KCNIP1: variants seen among roughly 807,000 people sequenced by gnomAD.
KCNIP1 encodes A-type potassium channel modulatory protein KCNIP1.
In KCNIP1, 18 loss-of-function variants were observed where a neutral mutation model predicts 33.0. The ratio of observed to expected loss-of-function variants is 0.55; its 90% CI spans 0.38 to 0.81. The LOEUF is 0.81. KCNIP1 is among the 30% of genes least tolerant of loss of function. KCNIP1 has a pLI of 0.00. For missense variants in KCNIP1, 238 were observed against 271.6 expected (o/e 0.88, Z 0.87); for synonymous variants, 93 against 98.3 (o/e 0.95, Z 0.32).
chr5:170,419,522 C>T (rs1755423208), intron 1 of KCNIP1, among the ~76,000 whole-genome samples: 1 of 152,024 alleles, frequency 6.6e-6, no homozygotes, highest in Admixed American at 6.5e-5. Context: ...TTTTCTGCTT[C>T]AACCAGAAAT....
chr5:170,470,573 A>T (rs181866788), intron 1 of KCNIP1, among the ~76,000 whole-genome samples: 1 of 152,328 alleles, frequency 6.6e-6, no homozygotes, highest in African/African-American at 2.4e-5. Context: ...TTAAGATCAG[A>T]ACTCCCTGAT....
intron 1 of KCNIP1, among the ~76,000 whole-genome samples, chr5:170,673,092 T>G (rs1242185943): frequency 1.3e-5 from 2 of 152,270 alleles, no homozygotes; most frequent in Non-Finnish European, 2.9e-5. Context: ...TTACTAAATA[T>G]TCATGATACC....
intron 1 of KCNIP1, among the ~76,000 whole-genome samples, chr5:170,411,596 T>A (rs369010286): frequency 7.9e-5 from 12 of 151,918 alleles, no homozygotes; most frequent in African/African-American, 2.9e-4. Flanking sequence ...TTGGATTTTA[T>A]CAACATTTTT....
At chr5:170,444,171 G>T (rs2113045917) in intron 1 of KCNIP1, among the ~76,000 whole-genome samples, 1 of 152,150 alleles carries the variant, frequency 6.6e-6, no homozygotes, top group East Asian at 1.9e-4. Context: ...CATTTCTGGG[G>T]GTCAGAAATC....
At chr5:170,626,440 G>A (rs928160240) in intron 1 of KCNIP1, among the ~76,000 whole-genome samples, 6 of 152,194 alleles carry the variant, frequency 3.9e-5, no homozygotes, top group African/African-American at 7.2e-5. Context: ...CCATGGCACC[G>A]TGAGCAGGTG....
chr5:170,551,155 C>G (rs572001608), intron 1 of KCNIP1, among the ~76,000 whole-genome samples: 3 of 152,304 alleles, frequency 2.0e-5, no homozygotes, highest in South Asian at 2.1e-4. Context: ...TGTCTTTTAG[C>G]AAGACATGTA....
intron 1 of KCNIP1, among the ~76,000 whole-genome samples, chr5:170,414,329 G>T (rs532801004): frequency 6.6e-6 from 1 of 152,206 alleles, no homozygotes; most frequent in South Asian, 2.1e-4. Flanking sequence ...TCAGCCTAAA[G>T]GTTTCTCTGC....
intron 1 of KCNIP1, among the ~76,000 whole-genome samples, chr5:170,675,303 A>T (rs910644901): frequency 5.3e-5 from 8 of 151,260 alleles, no homozygotes; most frequent in South Asian, 2.1e-4. Flanking sequence ...TGTCTCAAAA[A>T]ATATATATAT....
chr5:170,598,789 G>A (rs545291518), intron 1 of KCNIP1, among the ~76,000 whole-genome samples: 6 of 152,146 alleles, frequency 3.9e-5, no homozygotes, highest in Non-Finnish European at 5.9e-5. Context: ...GGCCATGTAG[G>A]GGCAGGAGCT....
chr5:170,479,582 C>T (rs1756928349), intron 1 of KCNIP1, among the ~76,000 whole-genome samples: 1 of 152,062 alleles, frequency 6.6e-6, no homozygotes, highest in African/African-American at 2.4e-5. Flanking sequence ...TAAGAATCGC[C>T]ATAGTAAAAT....
chr5:170,401,133 C>G (rs998290024), intron 1 of KCNIP1, among the ~76,000 whole-genome samples: 14 of 152,172 alleles, frequency 9.2e-5, no homozygotes, highest in African/African-American at 3.4e-4. Flanking sequence ...GCCAGAGACT[C>G]TCTCTGAGCC....
At chr5:170,613,690 GT>G (rs2113623026) in intron 1 of KCNIP1, among the ~76,000 whole-genome samples, 1 of 152,238 alleles carries the variant, frequency 6.6e-6, no homozygotes, top group East Asian at 1.9e-4. Flanking sequence ...AGATTTGGGG[GT>G]TGTTACTGTC....
At chr5:170,497,631 C>A (rs1757334476) in intron 1 of KCNIP1, among the ~76,000 whole-genome samples, 1 of 152,202 alleles carries the variant, frequency 6.6e-6, no homozygotes, top group South Asian at 2.1e-4. Flanking sequence ...CCTTTCAATC[C>A]ACCCTTCTGT....
chr5:170,516,949 A>G (rs924584522), intron 1 of KCNIP1, among the ~76,000 whole-genome samples: 2 of 152,132 alleles, frequency 1.3e-5, no homozygotes, highest in African/African-American at 4.8e-5. Flanking sequence ...TGATTTTGAT[A>G]GTGGTGGTGA....
chr5:170,726,901 A>T (rs1031972687), intron 5 of KCNIP1, among the ~76,000 whole-genome samples: 3 of 151,956 alleles, frequency 2.0e-5, no homozygotes, highest in African/African-American at 7.3e-5. Context: ...ACAGAGCAAG[A>T]CCCTGTCTCA....
chr5:170,641,184 T>C (rs773278034), intron 1 of KCNIP1, among the ~76,000 whole-genome samples: 1 of 152,190 alleles, frequency 6.6e-6, no homozygotes, highest in Non-Finnish European at 1.5e-5. Flanking sequence ...CGCTGGCTTA[T>C]GGGCATGGCT....
intron 1 of KCNIP1, among the ~76,000 whole-genome samples, chr5:170,365,369 C>G (rs1447459786): frequency 6.6e-6 from 1 of 152,234 alleles, no homozygotes; most frequent in Non-Finnish European, 1.5e-5. Context: ...CTTAGCAAGG[C>G]CGCCCATGTT....
At chr5:170,413,315 C>T (rs769960156) in intron 1 of KCNIP1, among the ~76,000 whole-genome samples, 4 of 152,326 alleles carry the variant, frequency 2.6e-5, no homozygotes, top group South Asian at 2.1e-4. Context: ...CTTTCAAACT[C>T]ATCGTGCCTG....
chr5:170,479,269 G>A (rs1291651555), intron 1 of KCNIP1, among the ~76,000 whole-genome samples: 2 of 152,222 alleles, frequency 1.3e-5, no homozygotes, highest in Non-Finnish European at 2.9e-5. Context: ...GGCACTAGCA[G>A]AAAGCACCAG....
Sources: gnomAD v4.1 joint callset for allele counts (sites outside exome capture counted in the v4.1 genomes callset) on GRCh38, gnomAD v4.1.1 for gene constraint, MANE v1.5 for transcripts, NCBI Gene and HGNC (gene_info 2026-07-23, HGNC 2026-07-21) for gene names.